CCDC40: variants seen among roughly 807,000 people sequenced by gnomAD.
The protein encoded by CCDC40 is coiled-coil domain 40 molecular ruler complex subunit.
A neutral mutation model predicts 124.5 loss-of-function variants in CCDC40; 104 were observed. The ratio of observed to expected loss-of-function variants is 0.84; its 90% CI spans 0.71 to 0.98. The LOEUF (loss-of-function observed/expected upper bound fraction) is 0.98, where lower values mean the gene tolerates loss of function less well. CCDC40 is among the 50% of genes least tolerant of loss of function. CCDC40 has a pLI of 0.00. For synonymous variants in CCDC40, 580 were observed against 602.9 expected, an observed-to-expected ratio of 0.96 and a Z score of 0.56; for missense variants, 1,463 against 1,503.9, an observed-to-expected ratio of 0.97 and a Z score of 0.45.
chr17:80,090,132 T>C lies in CCDC40; in HGVS notation c.2832+248T>C, dbSNP rs929428195. 9.8e-6 allele frequency: 15 copies of C among 1,536,074 alleles called. No homozygotes were observed. In the African/African-American group the frequency reaches 1.8e-4, roughly 18 times the overall value. On this transcript the variant is annotated intron_variant, in intron 17 of 19. Transcript: ENST00000397545. ...GCTTTTACCACACGCTTGCTTTTAATGTGCAGAAATATTGCAGAACAACAC... is the reference window on the plus strand; with the variant it reads ...GCTTTTACCACACGCTTGCTTTTAACGTGCAGAAATATTGCAGAACAACAC...
intron 10 of CCDC40, among the ~76,000 whole-genome samples, chr17:80,078,330 CAAAAAAAA>C (rs71163916): frequency 1.5e-5 from 1 of 67,162 alleles, no homozygotes; most frequent in Non-Finnish European, 3.1e-5. Context: ...GACTCTGTCT[CAAAAAAAA>C]AAAAAAAAAA....
chr17:80,095,536 C>A, intron 18 of CCDC40, 85 bp downstream of exon 18: 1 of 1,347,686 alleles, frequency 7.4e-7, no homozygotes. Context: ...TTGCTGGGTC[C>A]GGGGTGAGGA....
At chr17:80,070,518 T>C (rs532788925) in intron 10 of CCDC40, among the ~76,000 whole-genome samples, 1 of 152,256 alleles carries the variant, frequency 6.6e-6, no homozygotes, top group South Asian at 2.1e-4. Context: ...GGATGATCAC[T>C]TGAGTCCAGG....
intron 19 of CCDC40, among the ~76,000 whole-genome samples, chr17:80,098,551 G>A (rs2038852503): frequency 6.6e-6 from 1 of 152,204 alleles, no homozygotes; most frequent in Non-Finnish European, 1.5e-5. Context: ...GAGCAGAGAC[G>A]GAGGTGGAGA....
intron 12 of CCDC40, 102 bp downstream of exon 12, chr17:80,082,160 A>ACAG: frequency 1.7e-5 from 16 of 968,924 alleles, no homozygotes; most frequent in Non-Finnish European, 2.5e-5. Context: ...CAGTGTGAGC[A>ACAG]GAGGGCCCTC....
rs1278622929 is a variant in CCDC40 at position 80,056,012 on chromosome 17, A to ATTTTTT, written c.1160-2481_1160-2480insTTTTTT. On this transcript the variant is annotated intron_variant, in intron 7 of 19. Transcript: ENST00000397545. ...TATATATATATATATATATATATATATATATTTTTTTTTTTTTTTGGTAGA... is the reference window on the plus strand; with the variant it reads ...TATATATATATATATATATATATATATTTTTTTATATTTTTTTTTTTTTTTGGTAGA... 4.2e-3 allele frequency among the ~76,000 whole-genome samples: 60 copies of ATTTTTT among 14,128 alleles called. 2 individuals are homozygous for ATTTTTT. Among genetic ancestry groups the ATTTTTT allele is most frequent in the African/African-American group, 0.01 (39 of 3,854 alleles). The allele number at this position is 14,128 out of a possible 152,430, so 9.3% of individuals were successfully genotyped here. A position where few individuals can be genotyped will look rare whatever the true frequency, so the allele number is the denominator to read the frequency against.
intron 17 of CCDC40, among the ~76,000 whole-genome samples, chr17:80,094,761 G>T (rs923715339): frequency 3.3e-5 from 5 of 152,128 alleles, no homozygotes; most frequent in African/African-American, 4.8e-5. Flanking sequence ...AGCCACTGAC[G>T]CCATCAAGAC....
chr17:80,090,687 A>C, intron 17 of CCDC40: 3 of 1,427,150 alleles, frequency 2.1e-6, no homozygotes, highest in Non-Finnish European at 2.7e-6. Flanking sequence ...CATGGTCACA[A>C]TTAGATTTCA....
intron 3 of CCDC40, among the ~76,000 whole-genome samples, chr17:80,042,138 A>G (rs1403542374): frequency 6.6e-6 from 1 of 151,892 alleles, no homozygotes; most frequent in Non-Finnish European, 1.5e-5. Flanking sequence ...CTTTTTTTTG[A>G]GATGTAGTCT....
rs542422469 is a variant in CCDC40, at chr17:80,087,784, C to A, written c.2619+8C>A. The A allele has an allele frequency of 1.2e-6, 2 of 1,613,544 alleles. No individual in the cohort carries two copies. Among genetic ancestry groups the A allele is most frequent in the African/African-American group, 1.3e-5 (1 of 74,890 alleles). On this transcript the variant is annotated splice_region_variant and intron_variant, in intron 15 of 19. Coordinates refer to ENST00000397545, the MANE Select transcript of CCDC40 (RefSeq NM_017950.4). This position sits in a 1 kb window ranked among gnomAD's most constrained non-coding sequence, Gnocchi z 4.5. ...TTCGTGCGCTCGCTGAAGGTCCGGC[C>A]GTGTCCACGCAGTCCCGGGGCTCAG...
Position 80,091,342 on chromosome 17 carries a change from C to CAGAG in CCDC40, c.2832+1472_2832+1475dup, listed in dbSNP as rs146101730. Among the ~76,000 whole-genome samples, 163 of 145,020 alleles carry CAGAG rather than the reference C, an allele frequency of 1.1e-3. 2 individuals are homozygous for CAGAG. The highest frequency in any genetic ancestry group is 3.8e-3 in the African/African-American group (148 of 39,218). ...ACACACACACACACACACACACACA[C>CAGAG]AGAGAGAGAGAGAGAGAAAGAAAGA... is the stretch of plus-strand genomic sequence containing the variant. On this transcript the variant is annotated intron_variant, in intron 17 of 19. Coordinates refer to ENST00000397545, the MANE Select transcript of CCDC40 (RefSeq NM_017950.4).
chr17:80,037,688 A>AATATATAT, intron 1 of CCDC40, among the ~76,000 whole-genome samples: 9 of 45,710 alleles, frequency 2.0e-4, no homozygotes, highest in East Asian at 5.9e-4. Flanking sequence ...TTTTTTAAAA[A>AATATATAT]AGATATACAT....
At chr17:80,065,679 C>T in intron 10 of CCDC40, 73 bp downstream of exon 10, 2 of 1,588,730 alleles carry the variant, frequency 1.3e-6, no homozygotes, top group Admixed American at 1.7e-5. Context: ...CCCACACCCC[C>T]TCTCTCTGGG....
At chr17:80,040,371 A>G in intron 3 of CCDC40, 101 bp downstream of exon 3, 1 of 1,154,448 alleles carries the variant, frequency 8.7e-7, no homozygotes, top group Non-Finnish European at 1.2e-6. Context: ...TACAAATTGC[A>G]ATCCCTGTTA....
chr17:80,095,567 C>T (rs1404166426), intron 18 of CCDC40, 116 bp downstream of exon 18: 22 of 979,978 alleles, frequency 2.2e-5, no homozygotes, highest in Non-Finnish European at 2.8e-5. Flanking sequence ...GCAGTGGGGG[C>T]GTGCTCAGCA....
At chr17:80,055,957 A>C (rs1300205163) in intron 7 of CCDC40, among the ~76,000 whole-genome samples, 1 of 128,290 alleles carries the variant, frequency 7.8e-6, no homozygotes, top group Non-Finnish European at 1.6e-5. Flanking sequence ...GACTACACAC[A>C]CACCACCAGG....
At chr17:80,071,372 G>A (rs1485597954) in intron 10 of CCDC40, among the ~76,000 whole-genome samples, 1 of 152,230 alleles carries the variant, frequency 6.6e-6, no homozygotes, top group East Asian at 1.9e-4. Flanking sequence ...CTGTGGCCAC[G>A]GCAGCCAGGC....
At chr17:80,076,188 C>T (rs1487982720) in intron 10 of CCDC40, among the ~76,000 whole-genome samples, 1 of 152,190 alleles carries the variant, frequency 6.6e-6, no homozygotes, top group African/African-American at 2.4e-5. Flanking sequence ...TCCTATCAAA[C>T]AGCATCACAT....
intron 10 of CCDC40, among the ~76,000 whole-genome samples, chr17:80,077,737 G>A (rs766181149): frequency 1.6e-4 from 25 of 152,194 alleles, no homozygotes; most frequent in African/African-American, 1.9e-4. Context: ...AATGACTAGC[G>A]ATGGTGAGCA....
Sources: gnomAD v4.1 joint callset for allele counts (sites outside exome capture counted in the v4.1 genomes callset) on GRCh38, gnomAD v4.1.1 for gene constraint, Gnocchi (gnomAD v3.1) non-coding constraint, MANE v1.5 for transcripts, NCBI Gene and HGNC (gene_info 2026-07-23, HGNC 2026-07-21) for gene names.